The following FCAR variants were observed in gnomAD, a reference collection of about 807,000 sequenced individuals.
FCAR encodes the protein immunoglobulin alpha Fc receptor.
A neutral mutation model predicts 27.1 loss-of-function variants in FCAR; 21 were observed. That is an observed-to-expected ratio of 0.77 (90% CI 0.55 to 1.11). The LOEUF is 1.11. FCAR is among the 50% of genes most tolerant of loss of function. The pLI, the probability that FCAR is intolerant of heterozygous loss-of-function variation, is 0.00. For missense variants in FCAR, 404 were observed against 358.4 expected (o/e 1.13, Z -1.03); for synonymous variants, 134 against 135.8 (o/e 0.99, Z 0.09).
intron 2 of FCAR, among the ~76,000 whole-genome samples, chr19:54,879,695 A>G (rs1230791488): frequency 9.9e-6 from 1 of 100,650 alleles, no homozygotes; most frequent in Non-Finnish European, 2.0e-5. Context: ...TTTTTTTTTG[A>G]GACTGAGTCT....
Position 54,888,120 on chromosome 19 carries a change from G to T in FCAR, c.475G>T (p.Ala159Ser). ...CATCCCATTTGATAGATTTTCACTG[G>T]CCAAGGAGGGAGAACTTTCTCTGCC... ...AHIPFDRFSL[A>S]KEGELSLPQH... Residue 159 changes from alanine to serine, a missense_variant, in exon 4 of 5, where the codon GCC becomes TCC. Physicochemically the swap from Ala to Ser is moderately conservative, Grantham distance 99. Coordinates refer to ENST00000355524, the MANE Select transcript of FCAR (RefSeq NM_002000.4). 6.2e-6 allele frequency: 10 copies of T among 1,614,060 alleles called. No individual in the cohort carries two copies. Among genetic ancestry groups the T allele is most frequent in the Non-Finnish European group, 7.6e-6 (9 of 1,179,980 alleles).
At chr19:54,889,527 T>C (rs1043828127) in intron 4 of FCAR, 122 bp from the exon 5 acceptor site, 9 of 747,822 alleles carry the variant, frequency 1.2e-5, no homozygotes, top group Admixed American at 1.8e-5. Context: ...ATTGAGGGGA[T>C]GCTTGAGGGA....
intron 2 of FCAR, among the ~76,000 whole-genome samples, chr19:54,884,307 G>T (rs912842617): frequency 1.3e-5 from 2 of 152,172 alleles, no homozygotes; most frequent in African/African-American, 4.8e-5. Flanking sequence ...GCCTGCGGAG[G>T]TCCCCCTGGC....
intron 2 of FCAR, among the ~76,000 whole-genome samples, chr19:54,880,616 T>A (rs2066356864): frequency 6.6e-6 from 1 of 152,246 alleles, no homozygotes; most frequent in African/African-American, 2.4e-5. Flanking sequence ...AGGAAGACAC[T>A]GTTGCTTTTT....
At chr19:54,888,874 T>C (rs1456861666) in intron 4 of FCAR, 1 of 985,716 alleles carries the variant, frequency 1.0e-6, no homozygotes, top group Non-Finnish European at 1.2e-6. Context: ...AGGTATTTAG[T>C]GAATTCACCA....
chr19:54,874,359 A>T (rs1297113192), intron 1 of FCAR, 36 bp downstream of exon 1: 1 of 1,607,960 alleles, frequency 6.2e-7, no homozygotes, highest in Admixed American at 1.7e-5. Context: ...AGAGGGGAAG[A>T]TAGAGAAATC....
Position 54,886,942 on chromosome 19 carries a change from G to C in FCAR, c.362-1065G>C, listed in dbSNP as rs184892761. Among the ~76,000 whole-genome samples the C allele has an allele frequency of 1.6e-3, 241 of 152,348 alleles. 2 individuals carry two copies. In the Middle Eastern group the frequency reaches 0.017, roughly 11 times the overall value. On this transcript the variant is annotated intron_variant, in intron 3 of 4. Coordinates refer to ENST00000355524, the MANE Select transcript of FCAR (RefSeq NM_002000.4). ...AAACTGTCCATGGGAACATGACTGT[G>C]GATGTTGAGCTGGCTGTTGTTGAAA...
intron 2 of FCAR, among the ~76,000 whole-genome samples, chr19:54,878,815 CT>C (rs587637852): frequency 2.1e-5 from 3 of 143,674 alleles, no homozygotes; most frequent in Admixed American, 7.0e-5. Context: ...TACTTTGAGC[CT>C]ATGGATGTCA....
chr19:54,885,086 G>A (rs1174243844), intron 2 of FCAR, 149 bp from the exon 3 acceptor site: 9 of 662,528 alleles, frequency 1.4e-5, no homozygotes, highest in Non-Finnish European at 2.0e-5. Context: ...GAATACAGGC[G>A]TGAGCTACCG....
chr19:54,874,667 C>G (rs777202525), intron 1 of FCAR, among the ~76,000 whole-genome samples: 5 of 151,936 alleles, frequency 3.3e-5, no homozygotes, highest in Non-Finnish European at 7.4e-5. Flanking sequence ...GGAAGGAAAA[C>G]ATATGATAGA....
At chr19:54,878,620 G>A (rs77077559) in intron 2 of FCAR, among the ~76,000 whole-genome samples, 75 of 151,438 alleles carry the variant, frequency 5.0e-4, no homozygotes, top group African/African-American at 1.6e-3. Flanking sequence ...TCCGACTTCC[G>A]TGGCCACTGT....
intron 2 of FCAR, among the ~76,000 whole-genome samples, chr19:54,877,505 A>T (rs931462238): frequency 2.0e-5 from 3 of 151,866 alleles, no homozygotes; most frequent in African/African-American, 7.3e-5. Flanking sequence ...TATTAGTCTA[A>T]CTAGTCATCT....
At chr19:54,875,669 C>T (rs2066053523) in intron 2 of FCAR, among the ~76,000 whole-genome samples, 1 of 152,186 alleles carries the variant, frequency 6.6e-6, no homozygotes, top group African/African-American at 2.4e-5. Context: ...GCCCAATATC[C>T]TTCCTTATGC....
intron 2 of FCAR, among the ~76,000 whole-genome samples, chr19:54,883,376 A>G (rs1027177405): frequency 1.3e-5 from 2 of 152,050 alleles, no homozygotes; most frequent in African/African-American, 4.8e-5. Context: ...GGAGCCTCCT[A>G]CAGTCACTGG....
Position 54,885,451 on chromosome 19 carries a change from G to A in FCAR, c.287G>A (p.Gly96Glu), listed in dbSNP as rs1217286717. ...VIDHMDANKA[G>E]RYQCQYRIGH... The stretch of plus-strand genomic sequence containing the variant: ...GACCACATGGACGCAAACAAGGCAG[G>A]GCGCTATCAGTGCCAATATAGGATA... The change falls in exon 3 of 5, where the codon GGG becomes GAG. Residue 96 changes from glycine to glutamate, a missense_variant. Transcript: ENST00000355524. The A allele has an allele frequency of 6.2e-7, 1 of 1,613,916 alleles. No homozygotes were observed.
intron 4 of FCAR, among the ~76,000 whole-genome samples, chr19:54,889,366 C>T (rs1157641579): frequency 9.8e-6 from 1 of 102,300 alleles, no homozygotes; most frequent in Non-Finnish European, 1.9e-5. Context: ...AGTGAGACTC[C>T]ATCTCAAAAA....
intron 2 of FCAR, among the ~76,000 whole-genome samples, chr19:54,878,751 A>G (rs1349190660): frequency 1.6e-5 from 2 of 121,644 alleles, no homozygotes; most frequent in Non-Finnish European, 3.4e-5. Flanking sequence ...CAGCTCCTGC[A>G]TTTTTTTTTT....
intron 2 of FCAR, among the ~76,000 whole-genome samples, chr19:54,881,346 G>A (rs964904052): frequency 2.6e-5 from 4 of 152,126 alleles, no homozygotes; most frequent in Non-Finnish European, 4.4e-5. Context: ...TCCCCAGTCT[G>A]AGGGCAGCAA....
In FCAR at chr19:54,879,167, G is replaced by A. The variant is rs2066275042; in HGVS notation, c.70+3802G>A. On this transcript the variant is annotated intron_variant, in intron 2 of 4. Coordinates refer to ENST00000355524, the MANE Select transcript of FCAR (RefSeq NM_002000.4). ...GCCAGGGTTACAGGCGTGAGCCACT[G>A]CACCTGGCCTCTTGCTTCTTTATCC... 2.6e-5 allele frequency among the ~76,000 whole-genome samples: 4 copies of A among 152,192 alleles called. No individual in the cohort carries two copies. The South Asian group carries it at 8.3e-4, about 32-fold the overall frequency.
Sources: allele counts gnomAD v4.1 joint callset (sites outside exome capture counted in the v4.1 genomes callset), GRCh38; gene constraint gnomAD v4.1.1; transcripts MANE v1.5; gene names NCBI Gene and HGNC (gene_info 2026-07-23, HGNC 2026-07-21).